The following GBE1 variants were observed in gnomAD, a reference collection of about 807,000 sequenced individuals.
GBE1 encodes 1,4-alpha-glucan-branching enzyme.
A neutral mutation model predicts 88.8 loss-of-function variants in GBE1; 70 were observed. That is an observed-to-expected ratio of 0.79 (90% CI 0.65 to 0.96). The LOEUF is 0.96. Ranked by LOEUF, GBE1 falls within the 40% of genes least tolerant of loss-of-function variation. GBE1 has a pLI of 0.00. For missense variants in GBE1, 872 were observed against 871.0 expected (o/e 1.00, Z -0.01); for synonymous variants, 284 against 300.1 (o/e 0.95, Z 0.56).
chr3:81,578,126 G>C, intron 11 of GBE1, 30 bp from the exon 12 acceptor site: 2 of 1,399,598 alleles, frequency 1.4e-6, no homozygotes. Flanking sequence ...GGAGATAAAT[G>C]AAAAAAAAAA....
rs751766778 is a variant in GBE1 at position 81,648,934 on chromosome 3, C to G, written c.613G>C (p.Gly205Arg). ...ACTTTTCCTTCATGGGAAGAAATTCCCACATGAGATTCATAAATTCTTAGA... is the reference window on the plus strand; with the variant it reads ...ACTTTTCCTTCATGGGAAGAAATTCGCACATGAGATTCATAAATTCTTAGA... ...RSLRIYESHVGISSHEGKVAS... is the reference protein window; with the variant it reads ...RSLRIYESHVRISSHEGKVAS... The change falls in exon 5 of 16, where the codon GGA becomes CGA. Residue 205 changes from glycine (G) to arginine (R), a missense_variant. Gly to Arg is a moderately radical substitution (Grantham distance 125, BLOSUM62 -2). Transcript: ENST00000429644. The G allele has an allele frequency of 6.3e-7, 1 of 1,582,288 alleles. No individual in the cohort carries two copies. The highest frequency in any genetic ancestry group is 8.6e-7 in the Non-Finnish European group (1 of 1,158,582).
chr3:81,662,160 CTAGCTGGGAT>C (rs1408074122), intron 3 of GBE1, among the ~76,000 whole-genome samples: 1 of 151,980 alleles, frequency 6.6e-6, no homozygotes, highest in African/African-American at 2.4e-5. Context: ...AACCTACCGA[CTAGCTGGGAT>C]TACAGGCATT....
chr3:81,750,623 A>G lies in GBE1; in HGVS notation c.143+10752T>C, dbSNP rs1373334645. Among the ~76,000 whole-genome samples the G allele has an allele frequency of 5.8e-4, 38 of 66,010 alleles. 3 individuals are homozygous for G. Among genetic ancestry groups the G allele is most frequent in the African/African-American group, 3.0e-3 (33 of 10,856 alleles). 43.3% of individuals were successfully genotyped at this position (66,010 alleles called of 152,430 possible). On this transcript the variant is annotated intron_variant, in intron 1 of 15. Transcript: ENST00000429644. ...TATGTGTATATATATATATGTATAT[A>G]TATATACGTATATATATATATGTAT... is the stretch of plus-strand genomic sequence containing the variant.
At chr3:81,586,257 G>T in intron 9 of GBE1, 67 bp from the exon 10 acceptor site, 2 of 948,122 alleles carry the variant, frequency 2.1e-6, no homozygotes, top group Middle Eastern at 4.2e-4. Flanking sequence ...TAAAGCCCAG[G>T]TCAATAAATG....
chr3:81,499,058 T>G (rs543717842), intron 15 of GBE1, 52 bp downstream of exon 15: 1 of 956,896 alleles, frequency 1.0e-6, no homozygotes, highest in Admixed American at 2.3e-5. Context: ...AACATTACTA[T>G]AATAAAAGAG....
chr3:81,615,028 A>G (rs1197492350), intron 7 of GBE1, among the ~76,000 whole-genome samples: 1 of 152,168 alleles, frequency 6.6e-6, no homozygotes, highest in Admixed American at 6.5e-5. Context: ...TTCTCAAAAA[A>G]AAAAAAAAGT....
At chr3:81,691,679 T>G (rs1042966713) in intron 2 of GBE1, among the ~76,000 whole-genome samples, 2 of 152,058 alleles carry the variant, frequency 1.3e-5, no homozygotes, top group Non-Finnish European at 2.9e-5. Context: ...CTCTGGAAGC[T>G]GAGGCAGAAG....
At chr3:81,691,414 T>C (rs17019195) in intron 2 of GBE1, among the ~76,000 whole-genome samples, 2,306 of 152,290 alleles carry the variant, frequency 0.015, 76 homozygotes, top group African/African-American at 0.053. Flanking sequence ...TATGTACAAT[T>C]ACTCTGAGAT....
intron 1 of GBE1, among the ~76,000 whole-genome samples, chr3:81,709,985 T>C (rs1705835347): frequency 6.6e-6 from 1 of 152,128 alleles, no homozygotes; most frequent in Non-Finnish European, 1.5e-5. Context: ...TGTATAGATA[T>C]AAAGAACTGT....
intron 1 of GBE1, among the ~76,000 whole-genome samples, chr3:81,750,583 A>G (rs60176772): frequency 1.7e-5 from 1 of 58,966 alleles, no homozygotes; most frequent in Non-Finnish European, 3.1e-5. Flanking sequence ...ATACGTATAT[A>G]TATACGTATA....
chr3:81,509,815 T>A (rs1196915538), intron 14 of GBE1, among the ~76,000 whole-genome samples: 1 of 152,026 alleles, frequency 6.6e-6, no homozygotes. Flanking sequence ...CTATCACAAT[T>A]CCATTTCATT....
intron 1 of GBE1, among the ~76,000 whole-genome samples, chr3:81,734,696 CA>C (rs1706236651): frequency 6.6e-6 from 1 of 152,036 alleles, no homozygotes; most frequent in Non-Finnish European, 1.5e-5. Flanking sequence ...TGCCCTAAAA[CA>C]ATGAAGGTGT....
chr3:81,601,123 C>G lies in GBE1; in HGVS notation c.993-7100G>C, dbSNP rs573863089. ...TTTCAATGGGCTGACTGGAGTGGAG[C>G]AGAATAGAAAGGGGAAATGTGATAT... is the stretch of plus-strand genomic sequence containing the variant. On this transcript the variant is annotated intron_variant, in intron 7 of 15. Transcript: ENST00000429644. 1.1e-4 allele frequency among the ~76,000 whole-genome samples: 17 copies of G among 151,812 alleles called. No homozygotes were observed. In the South Asian group the frequency reaches 1.7e-3, roughly 15 times the overall value.
intron 7 of GBE1, among the ~76,000 whole-genome samples, chr3:81,633,916 T>C (rs1311766392): frequency 1.3e-5 from 2 of 152,176 alleles, no homozygotes; most frequent in African/African-American, 2.4e-5. Context: ...GCACAGTGAA[T>C]GAACATTTTA....
intron 2 of GBE1, among the ~76,000 whole-genome samples, chr3:81,690,865 G>A (rs114435865): frequency 0.017 from 2,528 of 151,216 alleles, 48 homozygotes; most frequent in Non-Finnish European, 0.027. Context: ...ATTGTCCTAC[G>A]CTAGACATTA....
chr3:81,581,400 T>C, intron 10 of GBE1, 125 bp from the exon 11 acceptor site: 1 of 591,856 alleles, frequency 1.7e-6, no homozygotes, highest in Admixed American at 3.7e-5. Context: ...AGTCCACCCA[T>C]ATAGCAAAGT....
chr3:81,604,802 T>C (rs1260603500), intron 7 of GBE1, among the ~76,000 whole-genome samples: 1 of 152,134 alleles, frequency 6.6e-6, no homozygotes, highest in African/African-American at 2.4e-5. Flanking sequence ...TTAACTGAAA[T>C]GTTCAAATAA....
chr3:81,610,045 TG>T (rs1269518924), intron 7 of GBE1, among the ~76,000 whole-genome samples: 1 of 152,112 alleles, frequency 6.6e-6, no homozygotes, highest in African/African-American at 2.4e-5. Flanking sequence ...CATGTGAAAG[TG>T]TCAAGAAAAT....
In GBE1 at chr3:81,537,048, T is replaced by C. The variant is rs937683680; in HGVS notation, c.1666A>G (p.Asn556Asp). The change falls in exon 13 of 16, where the codon AAT becomes GAT. Residue 556 changes from asparagine to aspartate, a missense_variant. Transcript: ENST00000429644. ...CTGGCATAATGGTAACTCTCATTAT[T>C]TCCTTTTCTTGGGAAGTCTAACCAT... ...PEWLDFPRKG[N>D]NESYHYARRQ... 3.2e-6 allele frequency: 5 copies of C among 1,569,070 alleles called. No individual in the cohort carries two copies. In the African/African-American group the frequency reaches 5.5e-5, roughly 17 times the overall value.
Sources: gnomAD v4.1 joint callset for allele counts (sites outside exome capture counted in the v4.1 genomes callset) on GRCh38, gnomAD v4.1.1 for gene constraint, MANE v1.5 for transcripts, NCBI Gene and HGNC (gene_info 2026-07-23, HGNC 2026-07-21) for gene names.